The following TSHZ2 variants were observed in gnomAD, a reference collection of about 807,000 sequenced individuals.
TSHZ2 encodes the protein teashirt zinc finger homeobox 2.
Under a neutral mutation model 74.4 loss-of-function variants are expected in TSHZ2, and 21 were observed. The ratio of observed to expected loss-of-function variants is 0.28; its 90% CI spans 0.20 to 0.41. The LOEUF (loss-of-function observed/expected upper bound fraction) is 0.41, where lower values mean the gene tolerates loss of function less well. Ranked by LOEUF, TSHZ2 falls within the 10% of genes least tolerant of loss-of-function variation. The pLI, the probability that TSHZ2 is intolerant of heterozygous loss-of-function variation, is 1.00. For synonymous variants in TSHZ2, 540 were observed against 515.3 expected (o/e 1.05, Z -0.65); for missense variants, 1,244 against 1,293.5 (o/e 0.96, Z 0.59).
intron 1 of TSHZ2, chr20:53,185,263 C>T (rs1222723177): frequency 2.3e-5 from 23 of 1,012,464 alleles, no homozygotes; most frequent in Non-Finnish European, 2.7e-5. Flanking sequence ...TGCATAAAAC[C>T]TCGTGGGTTC....
chr20:53,149,080 C>T (rs1746949162), intron 1 of TSHZ2, among the ~76,000 whole-genome samples: 1 of 152,212 alleles, frequency 6.6e-6, no homozygotes, highest in East Asian at 1.9e-4. Flanking sequence ...TACATTCTTC[C>T]CCCTCAAGCT....
intron 1 of TSHZ2, among the ~76,000 whole-genome samples, chr20:53,188,665 AAT>A (rs1306664545): frequency 1.3e-5 from 2 of 152,192 alleles, no homozygotes; most frequent in Non-Finnish European, 1.5e-5. Flanking sequence ...TATATAATTA[AAT>A]ATATATGTCT....
intron 1 of TSHZ2, among the ~76,000 whole-genome samples, chr20:52,973,767 T>C (rs1981221155): frequency 6.6e-6 from 1 of 152,104 alleles, no homozygotes. Flanking sequence ...GGCGCTGAAG[T>C]GTGAGGCATA....
chr20:53,048,105 C>T (rs996323801), intron 1 of TSHZ2, among the ~76,000 whole-genome samples: 2 of 152,294 alleles, frequency 1.3e-5, no homozygotes. Context: ...CCTCTCCGCT[C>T]AACATTCTGC....
At chr20:53,406,123 G>C (rs1982843334) in intron 2 of TSHZ2, among the ~76,000 whole-genome samples, 1 of 150,670 alleles carries the variant, frequency 6.6e-6, no homozygotes. Context: ...TAAGTAGTGT[G>C]AAAGAGCAAG....
At chr20:53,110,539 A>G (rs996122544) in intron 1 of TSHZ2, among the ~76,000 whole-genome samples, 3 of 152,158 alleles carry the variant, frequency 2.0e-5, no homozygotes, top group Non-Finnish European at 4.4e-5. Flanking sequence ...CCACTACTCT[A>G]TAAGAAGACT....
At chr20:53,227,152 G>A (rs1229469466) in intron 1 of TSHZ2, among the ~76,000 whole-genome samples, 1 of 151,508 alleles carries the variant, frequency 6.6e-6, no homozygotes, top group Non-Finnish European at 1.5e-5. Context: ...CCAGCCTCTC[G>A]GTGTCCTGAG....
intron 1 of TSHZ2, among the ~76,000 whole-genome samples, chr20:52,987,780 T>C (rs540164344): frequency 6.6e-6 from 1 of 151,892 alleles, no homozygotes; most frequent in East Asian, 1.9e-4. Context: ...ATCCAGAAAA[T>C]AATTTAAGAG....
intron 2 of TSHZ2, among the ~76,000 whole-genome samples, chr20:53,405,248 C>CAAAAAAAAA (rs796097312): frequency 2.9e-4 from 42 of 143,344 alleles, no homozygotes; most frequent in East Asian, 8.3e-4. Context: ...GACTCTGTCT[C>CAAAAAAAAA]AAAAAAAAAA....
chr20:53,175,804 A>G (rs1988323605), intron 1 of TSHZ2, among the ~76,000 whole-genome samples: 1 of 152,184 alleles, frequency 6.6e-6, no homozygotes, highest in Admixed American at 6.5e-5. Flanking sequence ...AGCATGTCAC[A>G]AAGACTGACT....
chr20:53,263,504 A>G (rs891197890), intron 2 of TSHZ2, among the ~76,000 whole-genome samples: 8 of 152,230 alleles, frequency 5.3e-5, no homozygotes, highest in Non-Finnish European at 1.5e-5. Flanking sequence ...CCAAAGAAGT[A>G]GCAAATCCAG....
intron 1 of TSHZ2, among the ~76,000 whole-genome samples, chr20:53,116,002 C>T (rs897020778): frequency 2.6e-5 from 4 of 152,146 alleles, no homozygotes; most frequent in African/African-American, 7.2e-5. Context: ...TCAAGGAAAC[C>T]AAGCTATCGT....
chr20:53,019,094 T>C (rs1159377100), intron 1 of TSHZ2, among the ~76,000 whole-genome samples: 1 of 152,206 alleles, frequency 6.6e-6, no homozygotes, highest in East Asian at 1.9e-4. Context: ...TTTGTGTAAT[T>C]GTAAGCAAAA....
intron 1 of TSHZ2, among the ~76,000 whole-genome samples, chr20:53,024,829 T>A (rs1324946928): frequency 1.3e-5 from 2 of 152,192 alleles, no homozygotes; most frequent in African/African-American, 2.4e-5. Context: ...CGTGGACTCA[T>A]CCTTTTGTAT....
At chr20:53,073,517 G>A (rs190624761) in intron 1 of TSHZ2, among the ~76,000 whole-genome samples, 90 of 152,272 alleles carry the variant, frequency 5.9e-4, no homozygotes, top group Non-Finnish European at 4.3e-4. Flanking sequence ...ATAATTAACT[G>A]AAGGTTAGAG....
chr20:53,327,865 G>C (rs928635985), intron 2 of TSHZ2, among the ~76,000 whole-genome samples: 1 of 152,230 alleles, frequency 6.6e-6, no homozygotes, highest in African/African-American at 2.4e-5. Flanking sequence ...ACCAATGTGA[G>C]ACCTGTGCAG....
At chr20:53,377,427 C>G (rs1484118140) in intron 2 of TSHZ2, among the ~76,000 whole-genome samples, 1 of 152,226 alleles carries the variant, frequency 6.6e-6, no homozygotes, top group Non-Finnish European at 1.5e-5. Flanking sequence ...TTGGCTCTCT[C>G]TTGTTTATCC....
intron 1 of TSHZ2, among the ~76,000 whole-genome samples, chr20:52,989,164 C>CAAA (rs3995491): frequency 0.015 from 1,925 of 126,108 alleles, 56 homozygotes; most frequent in African/African-American, 0.051. Flanking sequence ...CTCTGTCTGG[C>CAAA]AAAAAAAAAA....
In TSHZ2 at chr20:53,253,962, G is replaced by GCAC; in HGVS notation, c.507_509dup (p.His169dup). 1 of 1,614,088 alleles carries GCAC rather than the reference G, an allele frequency of 6.2e-7. No individual in the cohort carries two copies. Among genetic ancestry groups the GCAC allele is most frequent in the Non-Finnish European group, 8.5e-7 (1 of 1,180,014 alleles). On this transcript the variant is annotated inframe_insertion, in exon 2 of 3. Transcript: ENST00000371497. ...GCAGCAACAAGAGTGATTTTGATTGGCACCAAGACGCTCTGTCCAAAAGCC... is the reference window on the plus strand; with the variant it reads ...GCAGCAACAAGAGTGATTTTGATTGGCACCACCAAGACGCTCTGTCCAAAAGCC...
Sources: gnomAD v4.1 joint callset for allele counts (sites outside exome capture counted in the v4.1 genomes callset) on GRCh38, gnomAD v4.1.1 for gene constraint, MANE v1.5 for transcripts, NCBI Gene and HGNC (gene_info 2026-07-23, HGNC 2026-07-21) for gene names.